The following SNX29 variants were observed in gnomAD, a reference collection of about 807,000 sequenced individuals.
SNX29 encodes sorting nexin 29, also known as sorting nexin-29.
SNX29 carries 78 observed loss-of-function variants against 102.1 expected under a neutral mutation model. The ratio of observed to expected loss-of-function variants is 0.76; its 90% CI spans 0.64 to 0.92. The LOEUF is 0.92. SNX29 is among the 40% of genes least tolerant of loss of function. The pLI, the probability that SNX29 is intolerant of heterozygous loss-of-function variation, is 0.00. For missense variants in SNX29, 1,280 were observed against 1,061.7 expected (o/e 1.21, Z -2.86); for synonymous variants, 580 against 414.5 (o/e 1.40, Z -4.85).
At chr16:12,078,661 A>G (rs1435447008) in intron 10 of SNX29, among the ~76,000 whole-genome samples, 172 bp from the exon 11 acceptor site, 1 of 152,228 alleles carries the variant, frequency 6.6e-6, no homozygotes, top group Non-Finnish European at 1.5e-5. Flanking sequence ...TGCGTAGATG[A>G]ATTTCCAAAT....
At chr16:12,538,098 AGCTTTCT>A (rs1046061999) in intron 20 of SNX29, among the ~76,000 whole-genome samples, 1 of 148,752 alleles carries the variant, frequency 6.7e-6, no homozygotes, top group African/African-American at 2.5e-5. Flanking sequence ...GCAAATTCAC[AGCTTTCT>A]GCATTTCCCC....
chr16:12,548,118 G>C (rs762773272), intron 20 of SNX29, among the ~76,000 whole-genome samples: 1 of 152,172 alleles, frequency 6.6e-6, no homozygotes, highest in Admixed American at 6.5e-5. Context: ...CTATTTCTTG[G>C]GACAAGTAGG....
intron 11 of SNX29, among the ~76,000 whole-genome samples, chr16:12,093,396 G>C (rs547146478): frequency 7.9e-4 from 120 of 151,902 alleles, no homozygotes; most frequent in African/African-American, 2.7e-3. Flanking sequence ...GATTGCTTGA[G>C]GCCAGGAGTT....
At chr16:12,294,682 A>G (rs1182580991) in intron 15 of SNX29, among the ~76,000 whole-genome samples, 1 of 152,100 alleles carries the variant, frequency 6.6e-6, no homozygotes, top group Non-Finnish European at 1.5e-5. Flanking sequence ...TTTCAGTAAC[A>G]GCTCAGACCT....
At chr16:12,563,423 T>G (rs992331155) in intron 20 of SNX29, among the ~76,000 whole-genome samples, 1 of 152,230 alleles carries the variant, frequency 6.6e-6, no homozygotes, top group Non-Finnish European at 1.5e-5. Context: ...ATTTTGTTCC[T>G]TGCGGTATGT....
intron 20 of SNX29, among the ~76,000 whole-genome samples, chr16:12,552,252 T>G (rs1208681700): frequency 6.6e-6 from 1 of 152,090 alleles, no homozygotes; most frequent in Non-Finnish European, 1.5e-5. Flanking sequence ...CTTTGCCTCC[T>G]AGGGGCTCGT....
intron 9 of SNX29, among the ~76,000 whole-genome samples, chr16:12,065,836 C>A (rs536568698): frequency 6.6e-6 from 1 of 152,256 alleles, no homozygotes; most frequent in South Asian, 2.1e-4. Flanking sequence ...CTCAGCTCTG[C>A]CATTGGACGG....
chr16:12,402,881 C>G (rs1388660390), intron 17 of SNX29, among the ~76,000 whole-genome samples: 3 of 152,298 alleles, frequency 2.0e-5, no homozygotes. Context: ...TCTCTGGTCC[C>G]TCCCTCCTCC....
chr16:12,356,358 AGCAAGCAACCATGCATCCACTG>A, intron 16 of SNX29, 79 bp downstream of exon 16: 1 of 1,353,350 alleles, frequency 7.4e-7, no homozygotes, highest in South Asian at 1.3e-5. Context: ...AGACTCACAG[AGCAAGCAACCATGCATCCACTG>A]GCCAGATTTG....
chr16:12,374,685 G>A (rs1450553483), intron 16 of SNX29: 5 of 152,110 alleles, frequency 3.3e-5, no homozygotes, highest in African/African-American at 4.8e-5. Context: ...GGGAAGTTCC[G>A]AGCTCTCAGA....
chr16:12,043,776 C>T (rs545582909), intron 5 of SNX29, among the ~76,000 whole-genome samples: 4 of 151,922 alleles, frequency 2.6e-5, no homozygotes, highest in East Asian at 3.9e-4. Context: ...GTTTTTGAGA[C>T]GGAGCCTCAC....
intron 15 of SNX29, among the ~76,000 whole-genome samples, chr16:12,349,378 C>T (rs2081928598): frequency 6.6e-6 from 1 of 152,166 alleles, no homozygotes. Flanking sequence ...ATCTGGACAC[C>T]CATTATTTCA....
At chr16:12,221,333 G>C (rs886340769) in intron 14 of SNX29, among the ~76,000 whole-genome samples, 47 of 152,212 alleles carry the variant, frequency 3.1e-4, no homozygotes, top group African/African-American at 1.1e-3. Context: ...TGACCAGATG[G>C]ACCAGGTGTG....
chr16:12,421,200 A>C (rs2084858886), intron 18 of SNX29, among the ~76,000 whole-genome samples: 1 of 152,244 alleles, frequency 6.6e-6, no homozygotes, highest in South Asian at 2.1e-4. Context: ...CAGACTGAGA[A>C]GCCAAGCCAG....
At chr16:12,372,365 G>A (rs1859017404) in intron 16 of SNX29, among the ~76,000 whole-genome samples, 1 of 152,200 alleles carries the variant, frequency 6.6e-6, no homozygotes, top group African/African-American at 2.4e-5. Flanking sequence ...CGTTTCTAAT[G>A]TTCTTTAAAT....
At chr16:12,299,779 ATTTTT>A (rs61233917) in intron 15 of SNX29, among the ~76,000 whole-genome samples, 15 of 131,310 alleles carry the variant, frequency 1.1e-4, no homozygotes, top group South Asian at 9.6e-4. Context: ...CAAATTTCGA[ATTTTT>A]TTTTTTTTTT....
chr16:12,426,193 C>T (rs2085072771), intron 18 of SNX29, among the ~76,000 whole-genome samples: 1 of 152,112 alleles, frequency 6.6e-6, no homozygotes, highest in Non-Finnish European at 1.5e-5. Flanking sequence ...TGGCAGCTTA[C>T]AACAGTAAGT....
chr16:12,150,262 T>C, intron 13 of SNX29, among the ~76,000 whole-genome samples: 1 of 152,046 alleles, frequency 6.6e-6, no homozygotes, highest in East Asian at 1.9e-4. Context: ...AGGCGAGAGA[T>C]GATGATGGTC....
At chr16:12,553,817 A>C (rs2078147789) in intron 20 of SNX29, among the ~76,000 whole-genome samples, 1 of 151,306 alleles carries the variant, frequency 6.6e-6, no homozygotes, top group Non-Finnish European at 1.5e-5. Flanking sequence ...CGAACTCCTG[A>C]CCTTGTGATC....
Sources: allele counts gnomAD v4.1 joint callset (sites outside exome capture counted in the v4.1 genomes callset), GRCh38; gene constraint gnomAD v4.1.1; transcripts MANE v1.5; gene names NCBI Gene and HGNC (gene_info 2026-07-23, HGNC 2026-07-21).